The following CRACDL variants were observed in gnomAD, a reference collection of about 807,000 sequenced individuals.
The protein encoded by CRACDL is CRACD-like protein.
In CRACDL, 26 loss-of-function variants were observed where a neutral mutation model predicts 70.6. The ratio of observed to expected loss-of-function variants is 0.37; its 90% CI spans 0.27 to 0.51. The LOEUF (loss-of-function observed/expected upper bound fraction) is 0.51, where lower values mean the gene tolerates loss of function less well. Ranked by LOEUF, CRACDL falls within the 20% of genes least tolerant of loss-of-function variation. CRACDL has a pLI of 0.94. For synonymous variants in CRACDL, 618 were observed against 615.2 expected (o/e 1.00, Z -0.07); for missense variants, 1,283 against 1,376.9 (o/e 0.93, Z 1.08).
intron 1 of CRACDL, among the ~76,000 whole-genome samples, chr2:98,921,325 A>G (rs962977079): frequency 1.1e-4 from 16 of 152,228 alleles, no homozygotes; most frequent in Non-Finnish European, 1.9e-4. Context: ...TACTGGGCCA[A>G]TCTGCGTCCC....
chr2:98,858,014 G>T (rs926529244), intron 1 of CRACDL, among the ~76,000 whole-genome samples: 1 of 152,010 alleles, frequency 6.6e-6, no homozygotes, highest in Non-Finnish European at 1.5e-5. Context: ...AAAACAGAAA[G>T]AATTTTGGGA....
intron 1 of CRACDL, among the ~76,000 whole-genome samples, chr2:98,918,601 AT>A (rs35462033): frequency 0.52 from 74,877 of 143,656 alleles, 20,681 homozygotes; most frequent in African/African-American, 0.72. Flanking sequence ...GCCAACTGTT[AT>A]TTTTTTGTCT....
intron 8 of CRACDL, among the ~76,000 whole-genome samples, chr2:98,796,493 T>C (rs546178861): frequency 6.6e-6 from 1 of 152,356 alleles, no homozygotes; most frequent in East Asian, 1.9e-4. Context: ...GCTTCCTTCC[T>C]GTCCCCACAC....
chr2:98,798,474 A>AAAAAG (rs1703935737), intron 7 of CRACDL, among the ~76,000 whole-genome samples: 1 of 139,884 alleles, frequency 7.1e-6, no homozygotes, highest in Non-Finnish European at 1.5e-5. Flanking sequence ...AAAAAAAAAA[A>AAAAAG]GAGTGACACT....
At chr2:98,867,151 C>T (rs1004379608) in intron 1 of CRACDL, among the ~76,000 whole-genome samples, 1 of 152,212 alleles carries the variant, frequency 6.6e-6, no homozygotes, top group Non-Finnish European at 1.5e-5. Context: ...ACCATAGCTT[C>T]ATTCCAACAC....
chr2:98,890,762 T>A (rs192609149), intron 1 of CRACDL, among the ~76,000 whole-genome samples: 1 of 152,182 alleles, frequency 6.6e-6, no homozygotes, highest in South Asian at 2.1e-4. Context: ...CCCAAAGCAT[T>A]TGAAACTTTG....
intron 1 of CRACDL, among the ~76,000 whole-genome samples, chr2:98,868,140 C>G (rs1707216232): frequency 6.6e-6 from 1 of 152,288 alleles, no homozygotes; most frequent in Non-Finnish European, 1.5e-5. Context: ...GGGTTTTACC[C>G]AGTACAAGGC....
At chr2:98,878,588 T>C (rs1707551590) in intron 1 of CRACDL, among the ~76,000 whole-genome samples, 1 of 152,216 alleles carries the variant, frequency 6.6e-6, no homozygotes, top group African/African-American at 2.4e-5. Flanking sequence ...TATTTTACTT[T>C]TGAAAAATAA....
intron 1 of CRACDL, among the ~76,000 whole-genome samples, chr2:98,913,716 T>C (rs369909095): frequency 6.6e-6 from 1 of 152,088 alleles, no homozygotes; most frequent in African/African-American, 2.4e-5. Context: ...CCCTAGCAAA[T>C]GTACATGGCT....
chr2:98,879,230 C>A (rs993126352), intron 1 of CRACDL, among the ~76,000 whole-genome samples: 11 of 152,184 alleles, frequency 7.2e-5, no homozygotes, highest in African/African-American at 2.7e-4. Context: ...GCCTCACCAC[C>A]TATGCTTAGA....
chr2:98,843,185 T>G (rs956593461), intron 2 of CRACDL, among the ~76,000 whole-genome samples: 1 of 152,208 alleles, frequency 6.6e-6, no homozygotes, highest in African/African-American at 2.4e-5. Context: ...CTTTGCCATT[T>G]TGTACATCTT....
At chr2:98,923,825 G>A (rs1298459193) in intron 1 of CRACDL, among the ~76,000 whole-genome samples, 2 of 152,182 alleles carry the variant, frequency 1.3e-5, no homozygotes, top group Non-Finnish European at 2.9e-5. Flanking sequence ...ATTGCAAAGG[G>A]AACTTCATAC....
At chr2:98,798,647 G>A (rs1334818195) in intron 7 of CRACDL, among the ~76,000 whole-genome samples, 1 of 151,160 alleles carries the variant, frequency 6.6e-6, no homozygotes, top group Non-Finnish European at 1.5e-5. Flanking sequence ...TTCATCAATA[G>A]AAAAAAGAAA....
intron 1 of CRACDL, among the ~76,000 whole-genome samples, chr2:98,881,461 A>G (rs1167359228): frequency 6.6e-6 from 1 of 152,192 alleles, no homozygotes; most frequent in Non-Finnish European, 1.5e-5. Context: ...ATTGCCTGGG[A>G]GCTCTGACAA....
intron 1 of CRACDL, among the ~76,000 whole-genome samples, chr2:98,859,567 T>A (rs1221489522): frequency 1.3e-5 from 2 of 152,230 alleles, no homozygotes; most frequent in Non-Finnish European, 2.9e-5. Context: ...TACATTATTA[T>A]CTCAGTAGAT....
intron 1 of CRACDL, among the ~76,000 whole-genome samples, chr2:98,878,123 T>C (rs191798043): frequency 6.6e-6 from 1 of 152,150 alleles, no homozygotes; most frequent in Admixed American, 6.5e-5. Context: ...ATATTTGTAT[T>C]TTTAGTAGAG....
chr2:98,882,378 CT>C (rs1412515991), intron 1 of CRACDL, among the ~76,000 whole-genome samples: 2 of 152,252 alleles, frequency 1.3e-5, no homozygotes, highest in African/African-American at 4.8e-5. Flanking sequence ...GTTCTATCCC[CT>C]GGCAAGAGTG....
intron 1 of CRACDL, among the ~76,000 whole-genome samples, chr2:98,886,933 C>T (rs974850842): frequency 6.6e-6 from 1 of 152,080 alleles, no homozygotes; most frequent in African/African-American, 2.4e-5. Context: ...TAAATAAATT[C>T]TTTTAAATAT....
chr2:98,844,835 A>C (rs12712035), intron 2 of CRACDL, among the ~76,000 whole-genome samples: 74,479 of 152,118 alleles, frequency 0.49, 19,398 homozygotes, highest in African/African-American at 0.68. Flanking sequence ...TTTGCTTCTG[A>C]AAAGTACCTG....
Sources: allele counts gnomAD v4.1 joint callset (sites outside exome capture counted in the v4.1 genomes callset), GRCh38; gene constraint gnomAD v4.1.1; transcripts MANE v1.5; gene names NCBI Gene and HGNC (gene_info 2026-07-23, HGNC 2026-07-21).